SNAPC3: variants seen among roughly 807,000 people sequenced by gnomAD.
The protein encoded by SNAPC3 is snRNA-activating protein complex subunit 3.
SNAPC3 carries 56 observed loss-of-function variants against 47.7 expected under a neutral mutation model. The ratio of observed to expected loss-of-function variants is 1.18; its 90% CI spans 0.95 to 1.47. The LOEUF (loss-of-function observed/expected upper bound fraction) is 1.47. SNAPC3 is among the 40% of genes most tolerant of loss of function. The pLI is 0.00. For missense variants in SNAPC3, 665 were observed against 511.3 expected (o/e 1.30, Z -2.90); for synonymous variants, 235 against 189.9 (o/e 1.24, Z -1.95).
intron 5 of SNAPC3, among the ~76,000 whole-genome samples, chr9:15,447,514 T>C (rs1434463889): frequency 1.4e-5 from 1 of 70,268 alleles, no homozygotes; most frequent in African/African-American, 3.1e-5. Flanking sequence ...AATTTTCTTT[T>C]TTGTTTTTTT....
intron 6 of SNAPC3, among the ~76,000 whole-genome samples, chr9:15,452,712 A>G (rs1397599576): frequency 2.6e-5 from 4 of 152,230 alleles, no homozygotes; most frequent in Admixed American, 6.5e-5. Flanking sequence ...AAACATTGAA[A>G]CTAAGAAGTA....
At chr9:15,433,868 C>A in intron 3 of SNAPC3, 1 of 359,700 alleles carries the variant, frequency 2.8e-6, no homozygotes, top group Non-Finnish European at 4.9e-6. Context: ...TTGGTTTTAT[C>A]TTGCTTTCGG....
chr9:15,458,642 G>A (rs952340243), intron 8 of SNAPC3, among the ~76,000 whole-genome samples: 1 of 151,966 alleles, frequency 6.6e-6, no homozygotes, highest in Non-Finnish European at 1.5e-5. Context: ...AGATTATAAG[G>A]CATTTCTTAC....
At chr9:15,464,714 C>T (rs904711510), downstream of SNAPC3, 1 of 201,306 alleles carries the variant, frequency 5.0e-6, no homozygotes, top group African/African-American at 2.3e-5. Flanking sequence ...ACTTAGTTTT[C>T]AGTTTTAGTT....
intron 2 of SNAPC3, among the ~76,000 whole-genome samples, chr9:15,429,437 C>G (rs186823723): frequency 6.6e-6 from 1 of 151,940 alleles, no homozygotes; most frequent in African/African-American, 2.4e-5. Flanking sequence ...TTTGTGTAAC[C>G]GTTGGGTATT....
chr9:15,424,234 C>T (rs939977822), intron 2 of SNAPC3, among the ~76,000 whole-genome samples: 26 of 152,238 alleles, frequency 1.7e-4, no homozygotes, highest in African/African-American at 6.0e-4. Flanking sequence ...AAGCATATAG[C>T]TTCTAAAAGT....
chr9:15,449,091 G>A lies in SNAPC3; in HGVS notation c.732+1847G>A, dbSNP rs147462642. On this transcript the variant is annotated intron_variant, in intron 5 of 8. Coordinates refer to ENST00000380821, the MANE Select transcript of SNAPC3 (RefSeq NM_001039697.2). ...TCCTAAAGTGCTGGGATTACAAGGT[G>A]TGAGCCACCGTGCCTGGCCAAGATT... Among the ~76,000 whole-genome samples the A allele has an allele frequency of 1.3e-4, 20 of 152,248 alleles. No individual in the cohort carries two copies. In the East Asian group the frequency reaches 3.7e-3, roughly 28 times the overall value.
intron 3 of SNAPC3, among the ~76,000 whole-genome samples, chr9:15,439,987 G>T (rs2033178920): frequency 6.6e-6 from 1 of 152,064 alleles, no homozygotes; most frequent in African/African-American, 2.4e-5. Context: ...TTATTTATGG[G>T]GTTTATTGGG....
Position 15,459,816 on chromosome 9 carries a change from C to T in SNAPC3, c.1186C>T (p.Leu396=). ...MLHYDSEGNK[L]GEFLAYPYVD... is the part of the protein sequence containing the mutation. ...GCACTATGATTCAGAAGGCAACAAA[C>T]TGGGGGAATTCCTTGCTTATCCTTA... Residue 396 remains leucine, a synonymous_variant, in exon 9 of 9, where the codon CTG becomes TTG. Coordinates refer to ENST00000380821, the MANE Select transcript of SNAPC3 (RefSeq NM_001039697.2). The T allele has an allele frequency of 6.2e-7, 1 of 1,613,358 alleles. No individual in the cohort carries two copies. Among genetic ancestry groups the T allele is most frequent in the Non-Finnish European group, 8.5e-7 (1 of 1,179,636 alleles).
downstream of SNAPC3, chr9:15,465,615 G>A (rs199733249): frequency 6.7e-7 from 1 of 1,495,870 alleles, no homozygotes; most frequent in Non-Finnish European, 9.2e-7. Flanking sequence ...ACTGGAATTA[G>A]GATTTTCTCC....
chr9:15,430,907 T>G (rs2032057571), intron 2 of SNAPC3, among the ~76,000 whole-genome samples: 1 of 152,014 alleles, frequency 6.6e-6, no homozygotes, highest in African/African-American at 2.4e-5. Context: ...CCAGGTGTAG[T>G]TTATTGGCTC....
intron 7 of SNAPC3, among the ~76,000 whole-genome samples, chr9:15,455,044 A>G (rs1024271215): frequency 6.6e-6 from 1 of 152,238 alleles, no homozygotes; most frequent in African/African-American, 2.4e-5. Context: ...TGGCTTAGGT[A>G]GAAGTAGCAG....
intron 3 of SNAPC3, among the ~76,000 whole-genome samples, chr9:15,443,280 A>G (rs1179198786): frequency 6.6e-6 from 1 of 152,224 alleles, no homozygotes; most frequent in Non-Finnish European, 1.5e-5. Context: ...CTGTAGGAAT[A>G]ATTAATTGAC....
At chr9:15,458,389 C>G (rs1259522143) in intron 8 of SNAPC3, among the ~76,000 whole-genome samples, 2 of 152,162 alleles carry the variant, frequency 1.3e-5, no homozygotes, top group Non-Finnish European at 2.9e-5. Context: ...AAGAAAAGCT[C>G]TGTACAATAA....
At chr9:15,428,114 A>G (rs1157167347) in intron 2 of SNAPC3, among the ~76,000 whole-genome samples, 1 of 147,776 alleles carries the variant, frequency 6.8e-6, no homozygotes, top group African/African-American at 2.5e-5. Context: ...CTGTCTCCAA[A>G]AAAAAAAAAA....
chr9:15,422,893 G>A lies in SNAPC3; in HGVS notation c.14G>A (p.Ser5Asn), dbSNP rs756332338. The A allele has an allele frequency of 2.0e-6, 3 of 1,535,252 alleles. No homozygotes were observed. Among genetic ancestry groups the A allele is most frequent in the African/African-American group, 1.4e-5 (1 of 71,258 alleles). The stretch of plus-strand genomic sequence containing the variant: ...AGTGGGGCGAACATGGCTGAAGGAA[G>A]CCGAGGTGGCCCTACGTGTAGCGGG... MAEG[S>N]RGGPTCSGVG... Residue 5 changes from serine to asparagine, a missense_variant, in exon 1 of 9, where the codon AGC becomes AAC. Physicochemically the swap from Ser to Asn is conservative, Grantham distance 46. Transcript: ENST00000380821.
intron 2 of SNAPC3, among the ~76,000 whole-genome samples, chr9:15,429,955 AG>A (rs1339123253): frequency 6.6e-6 from 1 of 152,218 alleles, no homozygotes; most frequent in Non-Finnish European, 1.5e-5. Flanking sequence ...TGCTGATATC[AG>A]ACAAATAGTA....
intron 4 of SNAPC3, among the ~76,000 whole-genome samples, chr9:15,445,309 T>A (rs1407912037): frequency 6.6e-6 from 1 of 152,250 alleles, no homozygotes; most frequent in Non-Finnish European, 1.5e-5. Flanking sequence ...ATGATTCTAA[T>A]TCTACTAATT....
downstream of SNAPC3, chr9:15,464,073 G>GA (rs2035441566): frequency 5.6e-6 from 1 of 177,616 alleles, no homozygotes; most frequent in South Asian, 2.0e-4. Context: ...GAGTTTGATA[G>GA]AAAAATTCTT....
Sources: allele counts gnomAD v4.1 joint callset (sites outside exome capture counted in the v4.1 genomes callset), GRCh38; gene constraint gnomAD v4.1.1; transcripts MANE v1.5; gene names NCBI Gene and HGNC (gene_info 2026-07-23, HGNC 2026-07-21).